The following GFOD1 variants were observed in gnomAD, a reference collection of about 807,000 sequenced individuals.
GFOD1 encodes the protein glucose-fructose oxidoreductase domain-containing protein 1.
A neutral mutation model predicts 25.4 loss-of-function variants in GFOD1; 9 were observed. The observed-to-expected ratio is 0.35, with a 90% CI of 0.21 to 0.62. The LOEUF (loss-of-function observed/expected upper bound fraction) is 0.62. GFOD1 is among the 20% of genes least tolerant of loss of function. GFOD1 has a pLI of 0.72. For synonymous variants in GFOD1, 253 were observed against 245.6 expected (o/e 1.03, Z -0.28); for missense variants, 403 against 556.9 (o/e 0.72, Z 2.78).
At chr6:13,385,270 G>A (rs1785445704) in intron 1 of GFOD1, among the ~76,000 whole-genome samples, 1 of 152,192 alleles carries the variant, frequency 6.6e-6, no homozygotes, top group Non-Finnish European at 1.5e-5. Flanking sequence ...GACAGGACAG[G>A]CAGGAGAGAT....
At position 13,419,740 on chromosome 6, in the gene GFOD1, C is replaced by T. The variant is rs570996982; in HGVS notation, c.254-54078G>A. Among the ~76,000 whole-genome samples, 12 of 152,292 alleles carry T rather than the reference C, an allele frequency of 7.9e-5. No individual in the cohort carries two copies. The South Asian group carries it at 8.3e-4, about 11-fold the overall frequency. ...ACCACCTCCTCACGGTTGCGGGACACGGAAACCCACTCCCACCCCCTTCGC... is the reference window on the plus strand; with the variant it reads ...ACCACCTCCTCACGGTTGCGGGACATGGAAACCCACTCCCACCCCCTTCGC... On this transcript the variant is annotated intron_variant, in intron 1 of 1. Transcript: ENST00000379287.
rs1784928685 is a variant in GFOD1 at position 13,360,367 on chromosome 6, T to C, written c.*4376A>G. 1 of 282,296 alleles carries C rather than the reference T, an allele frequency of 3.5e-6. No individual in the cohort carries two copies. The highest frequency in any genetic ancestry group is 7.0e-6 in the Non-Finnish European group (1 of 142,806). The allele number at this position is 282,296 out of a possible 1,614,324, so 17.5% of individuals were successfully genotyped here. On this transcript the variant is annotated 3_prime_UTR_variant, in exon 2 of 2. Transcript: ENST00000379287. Reference sequence around the variant, plus strand: ...ACTTATGATCACAGGCCAAATTCAATAGCTGTGGCTATGAGACAAGATGAA... The same window carrying C: ...ACTTATGATCACAGGCCAAATTCAACAGCTGTGGCTATGAGACAAGATGAA...
chr6:13,358,297 T>G lies in GFOD1; in HGVS notation c.*6446A>C, dbSNP rs1193173195. 5 of 151,706 alleles carry G rather than the reference T, an allele frequency of 3.3e-5. No individual in the cohort carries two copies. Among genetic ancestry groups the G allele is most frequent in the Admixed American group, 3.3e-4 (5 of 15,254 alleles). The allele number at this position is 151,706 out of a possible 1,614,324, so 9.4% of individuals were successfully genotyped here. A position where few individuals can be genotyped will look rare whatever the true frequency, so the allele number is the denominator to read the frequency against. The stretch of plus-strand genomic sequence containing the variant: ...ATCTAGTATACATGCCTTGACTTCT[T>G]ATATATATAAGTTTGGTTTTATACA... On this transcript the variant is annotated 3_prime_UTR_variant, in exon 2 of 2. Transcript: ENST00000379287.
intron 1 of GFOD1, among the ~76,000 whole-genome samples, chr6:13,466,697 A>G: frequency 6.6e-6 from 1 of 152,340 alleles, no homozygotes; most frequent in Non-Finnish European, 1.5e-5. Flanking sequence ...TCCTTGGTGC[A>G]GTGGACCACA....
chr6:13,386,424 G>A (rs146076752), intron 1 of GFOD1, among the ~76,000 whole-genome samples: 39 of 152,246 alleles, frequency 2.6e-4, no homozygotes, highest in African/African-American at 9.1e-4. Flanking sequence ...AAGGAATCTC[G>A]CGTACTTCGG....
At chr6:13,471,291 C>A (rs1174757876) in intron 1 of GFOD1, among the ~76,000 whole-genome samples, 1 of 152,158 alleles carries the variant, frequency 6.6e-6, no homozygotes, top group African/African-American at 2.4e-5. Context: ...TACTAAGACC[C>A]TTTGCTTCTT....
chr6:13,477,838 G>A (rs1446970154), intron 1 of GFOD1, among the ~76,000 whole-genome samples: 1 of 151,994 alleles, frequency 6.6e-6, no homozygotes, highest in Admixed American at 6.6e-5. Context: ...GACTGAGGCG[G>A]GTGGATCACC....
intron 1 of GFOD1, among the ~76,000 whole-genome samples, chr6:13,425,930 C>T (rs1002496178): frequency 6.6e-6 from 1 of 151,706 alleles, no homozygotes; most frequent in African/African-American, 2.4e-5. Context: ...GAAAAAAATT[C>T]ACATTTTAAG....
intron 1 of GFOD1, among the ~76,000 whole-genome samples, chr6:13,384,726 G>A (rs150636165): frequency 2.6e-5 from 4 of 152,284 alleles, no homozygotes; most frequent in African/African-American, 7.2e-5. Flanking sequence ...GCAGAGATGC[G>A]CACAGTGCCT....
chr6:13,386,716 G>A (rs923666764), intron 1 of GFOD1, among the ~76,000 whole-genome samples: 2 of 152,164 alleles, frequency 1.3e-5, no homozygotes, highest in African/African-American at 4.8e-5. Flanking sequence ...GGCAGGTGTA[G>A]ACTTCATGTG....
intron 1 of GFOD1, among the ~76,000 whole-genome samples, chr6:13,454,821 T>C (rs1477942060): frequency 6.6e-6 from 1 of 152,114 alleles, no homozygotes; most frequent in African/African-American, 2.4e-5. Context: ...TTCTGTGGGC[T>C]GCAAGAGGGG....
intron 1 of GFOD1, among the ~76,000 whole-genome samples, chr6:13,445,912 T>C (rs532219973): frequency 6.6e-6 from 1 of 152,292 alleles, no homozygotes; most frequent in East Asian, 1.9e-4. Flanking sequence ...GATCTTTTCA[T>C]AGAGCATCAC....
At chr6:13,412,523 A>G (rs752437781) in intron 1 of GFOD1, among the ~76,000 whole-genome samples, 10 of 152,256 alleles carry the variant, frequency 6.6e-5, no homozygotes, top group Non-Finnish European at 8.8e-5. Flanking sequence ...TTTTTAGCAG[A>G]ACTGATATTC....
chr6:13,478,658 G>A (rs1758680831), intron 1 of GFOD1, among the ~76,000 whole-genome samples: 1 of 152,216 alleles, frequency 6.6e-6, no homozygotes, highest in South Asian at 2.1e-4. Flanking sequence ...AGACAGCTGG[G>A]TGCGGGGGCA....
At chr6:13,419,502 G>A (rs1481819507) in intron 1 of GFOD1, among the ~76,000 whole-genome samples, 1 of 152,106 alleles carries the variant, frequency 6.6e-6, no homozygotes, top group East Asian at 1.9e-4. Flanking sequence ...CCCTGCCGAT[G>A]GCTAAACCAG....
At position 13,360,971 on chromosome 6, in the gene GFOD1, C is replaced by T. The variant is rs1320831406; in HGVS notation, c.*3772G>A. 7.4e-6 allele frequency: 3 copies of T among 403,544 alleles called. No individual in the cohort carries two copies. Among genetic ancestry groups the T allele is most frequent in the South Asian group, 3.6e-5 (2 of 55,590 alleles). 25.0% of individuals were successfully genotyped at this position (403,544 alleles called of 1,614,324 possible). On this transcript the variant is annotated 3_prime_UTR_variant, in exon 2 of 2. Transcript: ENST00000379287. ...GTGTGACTTTGAACAAGTTCCTCTT[C>T]CTCTTACTGCCTCCATTTTCTCATG...
intron 1 of GFOD1, chr6:13,470,752 A>G (rs1758484982): frequency 7.5e-7 from 1 of 1,335,978 alleles, no homozygotes; most frequent in African/African-American, 1.5e-5. Flanking sequence ...TTAAATAACA[A>G]GTACTCTAAA....
chr6:13,401,493 G>C (rs1785843678), intron 1 of GFOD1, among the ~76,000 whole-genome samples: 1 of 152,130 alleles, frequency 6.6e-6, no homozygotes, highest in Non-Finnish European at 1.5e-5. Flanking sequence ...TGTCATACAA[G>C]TATTTATGGA....
chr6:13,469,990 A>G (rs545584956), intron 1 of GFOD1: 8 of 1,319,934 alleles, frequency 6.1e-6, no homozygotes, highest in East Asian at 5.1e-5. Context: ...AGCACATGCC[A>G]TATCTTATAT....
Sources: gnomAD v4.1 joint callset for allele counts (sites outside exome capture counted in the v4.1 genomes callset) on GRCh38, gnomAD v4.1.1 for gene constraint, MANE v1.5 for transcripts, NCBI Gene and HGNC (gene_info 2026-07-23, HGNC 2026-07-21) for gene names.